The following WDPCP variants were observed in gnomAD, a reference collection of about 807,000 sequenced individuals.
WDPCP encodes the protein WD repeat-containing and planar cell polarity effector protein fritz homolog.
In WDPCP, 71 loss-of-function variants were observed where a neutral mutation model predicts 93.1. That is an observed-to-expected ratio of 0.76 (90% CI 0.63 to 0.93). WDPCP has a LOEUF of 0.93. WDPCP is among the 40% of genes least tolerant of loss of function. The pLI is 0.00. For synonymous variants in WDPCP, 315 were observed against 315.0 expected, an observed-to-expected ratio of 1.00 and a Z score of 0.00; for missense variants, 844 against 887.4, an observed-to-expected ratio of 0.95 and a Z score of 0.62.
At chr2:63,687,039 A>G (rs1257681544) in intron 2 of WDPCP, among the ~76,000 whole-genome samples, 1 of 152,232 alleles carries the variant, frequency 6.6e-6, no homozygotes, top group South Asian at 2.1e-4. Flanking sequence ...CTTGGACCAC[A>G]CATAAAATAC....
At position 63,204,336 on chromosome 2, in the gene WDPCP, C is replaced by CTTTTTT. The variant is rs397872785; in HGVS notation, c.1916-29510_1916-29505dup. Among the ~76,000 whole-genome samples the CTTTTTT allele has an allele frequency of 1.4e-4, 13 of 92,288 alleles. 2 individuals are homozygous for CTTTTTT. Among genetic ancestry groups the CTTTTTT allele is most frequent in the Non-Finnish European group, 1.5e-4 (7 of 46,214 alleles). The allele number at this position is 92,288 out of a possible 152,430, so 60.5% of individuals were successfully genotyped here. A position where few individuals can be genotyped will look rare whatever the true frequency, so the allele number is the denominator to read the frequency against. ...AGCACATTTTTATATGCCCGTTTGC[C>CTTTTTT]TTTTTTTTTTTTTTTTTTTTTTGAG... On this transcript the variant is annotated intron_variant, in intron 14 of 17. Transcript: ENST00000272321.
chr2:63,708,837 C>T (rs973504552), intron 2 of WDPCP, among the ~76,000 whole-genome samples: 2 of 151,754 alleles, frequency 1.3e-5, no homozygotes, highest in African/African-American at 2.4e-5. Flanking sequence ...GTCTGGATCT[C>T]CTGACCTCAT....
intron 12 of WDPCP, among the ~76,000 whole-genome samples, chr2:63,366,546 C>G (rs573753057): frequency 6.6e-6 from 1 of 152,024 alleles, no homozygotes; most frequent in African/African-American, 2.4e-5. Flanking sequence ...TCCAGACTTT[C>G]GCTTAAATTC....
chr2:63,203,859 C>A (rs922795659), intron 14 of WDPCP, among the ~76,000 whole-genome samples: 3 of 152,196 alleles, frequency 2.0e-5, no homozygotes, highest in Non-Finnish European at 2.9e-5. Flanking sequence ...CCAGTTCCAT[C>A]CGTGTTGTTG....
chr2:63,538,848 G>C (rs922229297), intron 1 of WDPCP, among the ~76,000 whole-genome samples: 4 of 152,156 alleles, frequency 2.6e-5, no homozygotes, highest in African/African-American at 9.7e-5. Context: ...ATAGCTCTGA[G>C]AGTCAGTATC....
At chr2:63,355,422 G>A (rs1416698639) in intron 12 of WDPCP, among the ~76,000 whole-genome samples, 1 of 152,154 alleles carries the variant, frequency 6.6e-6, no homozygotes. Context: ...ATTACCACCA[G>A]GCCTGCCTTA....
intron 12 of WDPCP, 120 bp downstream of exon 12, chr2:63,378,266 C>T: frequency 1.5e-6 from 2 of 1,315,430 alleles, no homozygotes; most frequent in Non-Finnish European, 2.1e-6. Flanking sequence ...ATGTATATTT[C>T]TTTGAGGAGA....
chr2:63,688,516 G>A (rs1443281399), intron 2 of WDPCP, among the ~76,000 whole-genome samples: 1 of 143,616 alleles, frequency 7.0e-6, no homozygotes, highest in Non-Finnish European at 1.5e-5. Context: ...TTGCGGGGTT[G>A]GGGAGAGAAA....
At chr2:63,176,741 T>C (rs1398328251) in intron 14 of WDPCP, among the ~76,000 whole-genome samples, 1 of 152,246 alleles carries the variant, frequency 6.6e-6, no homozygotes, top group Non-Finnish European at 1.5e-5. Flanking sequence ...CATAAAAGTT[T>C]TTAAGTTGGA....
chr2:63,409,885 C>T (rs754623548), intron 9 of WDPCP, among the ~76,000 whole-genome samples: 13 of 152,158 alleles, frequency 8.5e-5, no homozygotes, highest in Admixed American at 3.9e-4. Context: ...TCTGGGATCA[C>T]GTTAAATGAC....
chr2:63,445,054 A>G (rs1419644862), intron 6 of WDPCP, among the ~76,000 whole-genome samples: 1 of 152,184 alleles, frequency 6.6e-6, no homozygotes, highest in Non-Finnish European at 1.5e-5. Context: ...ATTGGAAGTG[A>G]AACGGTACTT....
At chr2:63,449,535 A>C (rs1205888002) in intron 6 of WDPCP, among the ~76,000 whole-genome samples, 1 of 152,130 alleles carries the variant, frequency 6.6e-6, no homozygotes, top group Non-Finnish European at 1.5e-5. Context: ...ATTGACTGGG[A>C]CCCTGAGGGG....
At chr2:63,375,481 T>C (rs1691768772) in intron 12 of WDPCP, among the ~76,000 whole-genome samples, 1 of 151,952 alleles carries the variant, frequency 6.6e-6, no homozygotes, top group African/African-American at 2.4e-5. Context: ...TCTTTAACGT[T>C]AGGAGCTTAA....
At chr2:63,733,183 A>AT (rs70965141) in intron 2 of WDPCP, among the ~76,000 whole-genome samples, 11,817 of 94,922 alleles carry the variant, frequency 0.12, 1,796 homozygotes, top group African/African-American at 0.31. Context: ...CAAATAAATG[A>AT]TTTTTTTTTT....
intron 9 of WDPCP, among the ~76,000 whole-genome samples, chr2:63,430,520 A>G (rs1428681043): frequency 3.3e-5 from 5 of 152,330 alleles, no homozygotes; most frequent in South Asian, 4.1e-4. Context: ...TGTACTATTT[A>G]CTGTATATTT....
chr2:63,603,275 G>A (rs1405070831), intron 3 of WDPCP, among the ~76,000 whole-genome samples: 1 of 151,990 alleles, frequency 6.6e-6, no homozygotes, highest in African/African-American at 2.4e-5. Flanking sequence ...ATTCTTGAAC[G>A]ACATTTGAGT....
At chr2:63,293,063 C>T (rs1272954600) in intron 13 of WDPCP, among the ~76,000 whole-genome samples, 1 of 152,132 alleles carries the variant, frequency 6.6e-6, no homozygotes, top group Non-Finnish European at 1.5e-5. Flanking sequence ...GACAGGGAGG[C>T]AGGGCACCTG....
intron 1 of WDPCP, among the ~76,000 whole-genome samples, chr2:63,549,170 A>AAGGG (rs1483138063): frequency 6.7e-6 from 1 of 149,914 alleles, no homozygotes; most frequent in East Asian, 2.0e-4. Flanking sequence ...GAATCACTTG[A>AAGGG]ACCTGGGAGG....
intron 3 of WDPCP, among the ~76,000 whole-genome samples, chr2:63,627,162 CAATAACAGG>C (rs1297574657): frequency 6.6e-6 from 1 of 151,920 alleles, no homozygotes; most frequent in African/African-American, 2.4e-5. Flanking sequence ...CTCAGTTTTC[CAATAACAGG>C]ATTGCTAGAA....
Sources: allele counts gnomAD v4.1 joint callset (sites outside exome capture counted in the v4.1 genomes callset), GRCh38; gene constraint gnomAD v4.1.1; transcripts MANE v1.5; gene names NCBI Gene and HGNC (gene_info 2026-07-23, HGNC 2026-07-21).